FRAS1: variants seen among roughly 807,000 people sequenced by gnomAD.
FRAS1 encodes the protein extracellular matrix organizing protein FRAS1.
Under a neutral mutation model 435.2 loss-of-function variants are expected in FRAS1, and 290 were observed. The observed-to-expected ratio is 0.67, with a 90% CI of 0.61 to 0.73. The LOEUF (loss-of-function observed/expected upper bound fraction) is 0.73, where lower values mean the gene tolerates loss of function less well. Among genes scored for constraint, FRAS1 ranks in the 30% least tolerant of loss-of-function variants. FRAS1 has a pLI of 0.00. For synonymous variants in FRAS1, 1,800 were observed against 1,851.0 expected (o/e 0.97, Z 0.71); for missense variants, 4,860 against 5,001.5 (o/e 0.97, Z 0.85).
chr4:78,152,936 C>T (rs1720732651), intron 2 of FRAS1, among the ~76,000 whole-genome samples: 1 of 152,110 alleles, frequency 6.6e-6, no homozygotes, highest in Non-Finnish European at 1.5e-5. Flanking sequence ...AGTTTACTGC[C>T]TAAATGTAGC....
rs1366069195 is a variant in FRAS1 at position 78,481,864 on chromosome 4, G to A, written c.8504G>A (p.Trp2835Ter). 6.2e-7 allele frequency: 1 copy of A among 1,613,762 alleles called. No individual in the cohort carries two copies. Among genetic ancestry groups the A allele is most frequent in the African/African-American group, 1.3e-5 (1 of 74,894 alleles). The change falls in exon 57 of 74, where the codon TGG (tryptophan) becomes TAG (stop). Residue 2835 changes from tryptophan (W) to a stop codon, truncating the protein, a stop_gained. Coordinates refer to ENST00000512123, the MANE Select transcript of FRAS1 (RefSeq NM_025074.7). LOFTEE classifies it high-confidence loss of function. ...GTDLSTFASV[W>*]CATRPSDPAS... ...GACCTCTCTACTTTCGCATCTGTCT[G>A]GTGTGCAACGCGGCCCTCAGACCCA...
At chr4:78,300,883 T>G (rs1316103888) in intron 14 of FRAS1, among the ~76,000 whole-genome samples, 2 of 152,120 alleles carry the variant, frequency 1.3e-5, no homozygotes, top group Non-Finnish European at 2.9e-5. Flanking sequence ...TCCCTGTGAC[T>G]GGCTGCCTTT....
At chr4:78,127,792 G>C (rs551530020) in intron 2 of FRAS1, among the ~76,000 whole-genome samples, 1 of 151,194 alleles carries the variant, frequency 6.6e-6, no homozygotes, top group Non-Finnish European at 1.5e-5. Context: ...GTACATGTGC[G>C]CAACGTGCAG....
At chr4:78,159,392 T>C (rs1308547485) in intron 2 of FRAS1, among the ~76,000 whole-genome samples, 1 of 152,168 alleles carries the variant, frequency 6.6e-6, no homozygotes, top group East Asian at 1.9e-4. Context: ...CATTGTGCAT[T>C]GTTTGAGAAC....
intron 14 of FRAS1, among the ~76,000 whole-genome samples, 160 bp downstream of exon 14, chr4:78,286,699 T>TA (rs1727624302): frequency 6.6e-6 from 1 of 152,178 alleles, no homozygotes; most frequent in Non-Finnish European, 1.5e-5. Flanking sequence ...AACAGTGTGT[T>TA]AGAGAAATGA....
intron 2 of FRAS1, among the ~76,000 whole-genome samples, chr4:78,153,579 G>A (rs2110014521): frequency 6.6e-6 from 1 of 152,224 alleles, no homozygotes; most frequent in Admixed American, 6.5e-5. Context: ...TTTAGCACTT[G>A]AGGAGTGTTA....
In FRAS1 at chr4:78,541,132, G is replaced by A; in HGVS notation, c.*8G>A. The A allele has an allele frequency of 7.5e-7, 1 of 1,330,798 alleles. No homozygotes were observed. The highest frequency in any genetic ancestry group is 9.8e-7 in the Non-Finnish European group (1 of 1,022,944). 82.4% of individuals were successfully genotyped at this position (1,330,798 alleles called of 1,614,324 possible). On this transcript the variant is annotated 3_prime_UTR_variant, in exon 74 of 74. Transcript: ENST00000512123. Reference sequence around the variant, plus strand: ...GATGGAACAGAAGTTTAATGGAGGAGACCTATGTGTATTTTTTTCTAAAAT... The same window carrying A: ...GATGGAACAGAAGTTTAATGGAGGAAACCTATGTGTATTTTTTTCTAAAAT...
rs569006416 is a variant in FRAS1, at chr4:78,086,887, A to C, written c.108+20871A>C. On this transcript the variant is annotated intron_variant, in intron 2 of 73. Coordinates refer to ENST00000512123, the MANE Select transcript of FRAS1 (RefSeq NM_025074.7). ...CATTCCTTCTGAAACTATTCCAATC[A>C]ATAGAAAAAGAGGGAATCCTCCCTA... Among the ~76,000 whole-genome samples the C allele has an allele frequency of 6.6e-3, 1,002 of 152,300 alleles. 14 individuals are homozygous for C. Among genetic ancestry groups the C allele is most frequent in the African/African-American group, 0.023 (948 of 41,576 alleles).
Position 78,429,222 on chromosome 4 carries a change from T to G in FRAS1, c.4839T>G (p.Ser1613=). 1 of 1,607,062 alleles carries G rather than the reference T, an allele frequency of 6.2e-7. No individual in the cohort carries two copies. The highest frequency in any genetic ancestry group is 8.5e-7 in the Non-Finnish European group (1 of 1,176,966). Reference sequence around the variant, plus strand: ...CGGTCAGCCCAGGAGGCAGCACTTCTGTAGGTAAGAACTGGGAGCCTGATA... The same window carrying G: ...CGGTCAGCCCAGGAGGCAGCACTTCGGTAGGTAAGAACTGGGAGCCTGATA... ...RLAVSPGGST[S]VGLQVVVRDA... The change falls in exon 36 of 74, where the codon TCT becomes TCG. Residue 1613 remains serine, a synonymous_variant. Coordinates refer to ENST00000512123, the MANE Select transcript of FRAS1 (RefSeq NM_025074.7).
At chr4:78,251,298 A>G (rs1725517553) in intron 4 of FRAS1, among the ~76,000 whole-genome samples, 1 of 152,208 alleles carries the variant, frequency 6.6e-6, no homozygotes. Flanking sequence ...TGCTACTTAC[A>G]GTCAAAACAA....
intron 2 of FRAS1, among the ~76,000 whole-genome samples, chr4:78,128,779 T>C (rs1719520188): frequency 6.6e-6 from 1 of 152,230 alleles, no homozygotes; most frequent in Admixed American, 6.5e-5. Context: ...TTTGTCAATT[T>C]TGGCTTTTGT....
chr4:78,100,134 T>C (rs546937956), intron 2 of FRAS1, among the ~76,000 whole-genome samples: 1 of 152,308 alleles, frequency 6.6e-6, no homozygotes, highest in South Asian at 2.1e-4. Flanking sequence ...GAACTTAAAA[T>C]TGGAAAGACT....
chr4:78,493,509 C>A (rs909371746), intron 59 of FRAS1, among the ~76,000 whole-genome samples: 6 of 152,056 alleles, frequency 3.9e-5, no homozygotes, highest in Non-Finnish European at 7.3e-5. Flanking sequence ...TTTGCAGGGA[C>A]ACGGATGAAG....
At chr4:78,104,696 G>A (rs1214232276) in intron 2 of FRAS1, among the ~76,000 whole-genome samples, 1 of 152,126 alleles carries the variant, frequency 6.6e-6, no homozygotes, top group Non-Finnish European at 1.5e-5. Flanking sequence ...GGTGTTGGTG[G>A]TATGGAAATG....
chr4:78,494,086 A>G (rs904273818), intron 59 of FRAS1, among the ~76,000 whole-genome samples: 1 of 152,054 alleles, frequency 6.6e-6, no homozygotes, highest in African/African-American at 2.4e-5. Flanking sequence ...ATTGTGTTTA[A>G]TATGTATCTC....
chr4:78,430,808 G>A (rs994478898), intron 37 of FRAS1, among the ~76,000 whole-genome samples: 3 of 152,010 alleles, frequency 2.0e-5, no homozygotes, highest in Admixed American at 1.3e-4. Flanking sequence ...TTAGCGCTGT[G>A]ACTCTGATAG....
At position 78,488,981 on chromosome 4, in the gene FRAS1, G is replaced by A; in HGVS notation, c.8859G>A (p.Val2953=). ...GAGACCTGAGCTATGAGTCATCAGT[G>A]AGGTGCTATACTCAGAGCCATTCCG... is the stretch of plus-strand genomic sequence containing the variant. ...RSGDLSYESS[V]RCYTQSHSAQ... Residue 2953 remains valine (V), a synonymous_variant, in exon 59 of 74, where the codon GTG becomes GTA. Coordinates refer to ENST00000512123, the MANE Select transcript of FRAS1 (RefSeq NM_025074.7). 5.0e-6 allele frequency: 8 copies of A among 1,613,712 alleles called. No individual in the cohort carries two copies. Among genetic ancestry groups the A allele is most frequent in the African/African-American group, 2.7e-5 (2 of 75,030 alleles).
chr4:78,136,123 A>G (rs1288132891), intron 2 of FRAS1, among the ~76,000 whole-genome samples: 1 of 152,272 alleles, frequency 6.6e-6, no homozygotes. Context: ...TGTAAGACAT[A>G]TCACAGCTTT....
At chr4:78,332,184 G>T (rs1430763890) in intron 18 of FRAS1, among the ~76,000 whole-genome samples, 1 of 152,178 alleles carries the variant, frequency 6.6e-6, no homozygotes, top group Non-Finnish European at 1.5e-5. Flanking sequence ...CGTATGATAA[G>T]GGAGGTGGTG....
Sources: allele counts gnomAD v4.1 joint callset (sites outside exome capture counted in the v4.1 genomes callset), GRCh38; gene constraint gnomAD v4.1.1; transcripts MANE v1.5; gene names NCBI Gene and HGNC (gene_info 2026-07-23, HGNC 2026-07-21).